The following NUP62 variants were observed in gnomAD, a reference collection of about 807,000 sequenced individuals.
NUP62 encodes nucleoporin 62.
For synonymous variants in NUP62, 305 were observed against 303.4 expected, an observed-to-expected ratio of 1.01 and a Z score of -0.05; for missense variants, 647 against 689.4, an observed-to-expected ratio of 0.94 and a Z score of 0.69.
Position 49,909,030 on chromosome 19 carries a change from C to A in NUP62, c.778G>T (p.Ala260Ser), listed in dbSNP as rs199595285. The change falls in exon 3 of 3, where the codon GCA (alanine) becomes TCA (serine). Residue 260 changes from alanine (A) to serine (S), a missense_variant. By Grantham distance (99) the Ala-to-Ser change is moderately conservative (BLOSUM62 1). Transcript: ENST00000352066. ...TAGTQGFSLKAPGAASGTSTT... is the reference protein window; with the variant it reads ...TAGTQGFSLKSPGAASGTSTT... ...GAGGTGCCGGAAGCTGCTCCAGGTG[C>A]CTTTAAGCTGAAGCCCTGTGTCCCA... The A allele has an allele frequency of 2.4e-4, 390 of 1,613,138 alleles. 5 individuals carry two copies. In the East Asian group the frequency reaches 8.6e-3, roughly 36 times the overall value.
At chr19:49,929,200 G>C (rs1473818940) in intron 1 of NUP62, 126 bp downstream of exon 1, 1 of 152,756 alleles carries the variant, frequency 6.5e-6, no homozygotes, top group African/African-American at 2.4e-5. Context: ...CCCCGGGGCC[G>C]CCTCATTCCC....
At chr19:49,914,789 G>C (rs1347488378) in intron 2 of NUP62, among the ~76,000 whole-genome samples, 1 of 137,504 alleles carries the variant, frequency 7.3e-6, no homozygotes, top group Non-Finnish European at 1.5e-5. Context: ...ACCCAGGCTG[G>C]AGTGTGGTGG....
In NUP62 at chr19:49,908,781, C is replaced by T. The variant is rs746873934; in HGVS notation, c.1027G>A (p.Glu343Lys). The change falls in exon 3 of 3, where the codon GAG becomes AAG. Residue 343 changes from glutamate to lysine, a missense_variant. Transcript: ENST00000352066. ...AAGTGCCGCTCCTGGTCCTCTAGCTCCAGGCTCCATTTGTTGATCAGGCTC... is the reference window on the plus strand; with the variant it reads ...AAGTGCCGCTCCTGGTCCTCTAGCTTCAGGCTCCATTTGTTGATCAGGCTC... ...LESLINKWSL[E>K]LEDQERHFLQ... The T allele has an allele frequency of 1.9e-6, 3 of 1,613,670 alleles. No individual in the cohort carries two copies. The highest frequency in any genetic ancestry group is 2.5e-6 in the Non-Finnish European group (3 of 1,180,040).
chr19:49,909,915 G>T, intron 2 of NUP62, 31 bp from the exon 3 acceptor site: 1 of 1,279,840 alleles, frequency 7.8e-7, no homozygotes, highest in Non-Finnish European at 1.1e-6. Context: ...TTGTCAGATG[G>T]CAGTTTTGGA....
chr19:49,910,699 G>C (rs1184865091), intron 2 of NUP62, among the ~76,000 whole-genome samples: 1 of 140,948 alleles, frequency 7.1e-6, no homozygotes, highest in Non-Finnish European at 1.5e-5. Flanking sequence ...GAGACCATGA[G>C]CCCCACCAGA....
intron 2 of NUP62, among the ~76,000 whole-genome samples, chr19:49,925,666 G>A (rs2075869335): frequency 6.6e-6 from 1 of 152,184 alleles, no homozygotes; most frequent in Non-Finnish European, 1.5e-5. Flanking sequence ...CATCCTGAAG[G>A]CATCCGGAAG....
intron 1 of NUP62, chr19:49,928,705 T>C (rs2075975756): frequency 1.3e-5 from 2 of 152,156 alleles, no homozygotes; most frequent in African/African-American, 4.8e-5. Flanking sequence ...GGTCTGTATT[T>C]GGGAGAGTGC....
At chr19:49,928,440 C>G (rs2075963774) in intron 1 of NUP62, 1 of 151,360 alleles carries the variant, frequency 6.6e-6, no homozygotes, top group Admixed American at 6.6e-5. Flanking sequence ...TGGCGTGAAC[C>G]TGGGAGGCGG....
chr19:49,907,248 C>G lies in NUP62; in HGVS notation c.*991G>C. On this transcript the variant is annotated 3_prime_UTR_variant, in exon 3 of 3. Transcript: ENST00000352066. ...TACAGGCTCAGGGTGCTACGGGGAC[C>G]TGCAAGAAGGCCACCTGAGCTTCGG... 3.4e-6 allele frequency: 1 copy of G among 292,718 alleles called. No homozygotes were observed. The highest frequency in any genetic ancestry group is 2.7e-5 in the South Asian group (1 of 36,608). The allele number at this position is 292,718 out of a possible 1,614,324, so 18.1% of individuals were successfully genotyped here. A position where few individuals can be genotyped will look rare whatever the true frequency, so the allele number is the denominator to read the frequency against.
intron 2 of NUP62, among the ~76,000 whole-genome samples, chr19:49,914,182 T>C (rs2075559048): frequency 6.6e-6 from 1 of 152,194 alleles, no homozygotes; most frequent in Non-Finnish European, 1.5e-5. Flanking sequence ...CCACAAATAC[T>C]AGAACTTGGG....
At chr19:49,910,757 AC>A (rs1386924635) in intron 2 of NUP62, among the ~76,000 whole-genome samples, 1 of 151,872 alleles carries the variant, frequency 6.6e-6, no homozygotes, top group African/African-American at 2.4e-5. Context: ...ACCCCAGAAG[AC>A]CCATGGGCCA....
Position 49,909,732 on chromosome 19 carries a change from T to C in NUP62, c.76A>G (p.Thr26Ala), listed in dbSNP as rs774664471. The C allele has an allele frequency of 6.2e-7, 1 of 1,613,960 alleles. No homozygotes were observed. Among genetic ancestry groups the C allele is most frequent in the African/African-American group, 1.3e-5 (1 of 74,946 alleles). Residue 26 changes from threonine (T) to alanine (A), a missense_variant, in exon 3 of 3, where the codon ACC (threonine) becomes GCC (alanine). Physicochemically the swap from Thr to Ala is moderately conservative, Grantham distance 58. Coordinates refer to ENST00000352066, the MANE Select transcript of NUP62 (RefSeq NM_016553.5). ...FTFGTAKTATTTPATGFSFST... is the reference protein window; with the variant it reads ...FTFGTAKTATATPATGFSFST... Reference sequence around the variant, plus strand: ...AAAGAAAACCCTGTAGCAGGTGTGGTTGTTGCCGTCTTTGCAGTGCCAAAC... The same window carrying C: ...AAAGAAAACCCTGTAGCAGGTGTGGCTGTTGCCGTCTTTGCAGTGCCAAAC...
intron 2 of NUP62, among the ~76,000 whole-genome samples, chr19:49,923,417 G>T (rs1568721304): frequency 6.6e-6 from 1 of 152,232 alleles, no homozygotes; most frequent in South Asian, 2.1e-4. Context: ...GGGTTGTGGG[G>T]AACGTTTCTG....
rs890361510 is a variant in NUP62, at chr19:49,907,304, G to A, written c.*935C>T. Reference sequence around the variant, plus strand: ...TGGGAAGGCTTCCTGGAGGAGGTGAGGCCCAAGGTGGGGGTGAGCCTGGGC... The same window carrying A: ...TGGGAAGGCTTCCTGGAGGAGGTGAAGCCCAAGGTGGGGGTGAGCCTGGGC... On this transcript the variant is annotated 3_prime_UTR_variant, in exon 3 of 3. Coordinates refer to ENST00000352066, the MANE Select transcript of NUP62 (RefSeq NM_016553.5). 3.3e-6 allele frequency: 1 copy of A among 307,452 alleles called. No individual in the cohort carries two copies. The highest frequency in any genetic ancestry group is 6.3e-6 in the Non-Finnish European group (1 of 159,402). The allele number at this position is 307,452 out of a possible 1,614,324, so 19.0% of individuals were successfully genotyped here. A position where few individuals can be genotyped will look rare whatever the true frequency, so the allele number is the denominator to read the frequency against.
chr19:49,926,113 G>A (rs1428922982), intron 2 of NUP62, among the ~76,000 whole-genome samples: 2 of 150,144 alleles, frequency 1.3e-5, no homozygotes, highest in African/African-American at 2.5e-5. Context: ...GGAGCCTGAA[G>A]CAGGAGAATG....
At chr19:49,913,828 T>C (rs1009842769) in intron 2 of NUP62, among the ~76,000 whole-genome samples, 3 of 152,084 alleles carry the variant, frequency 2.0e-5, no homozygotes, top group Admixed American at 6.6e-5. Flanking sequence ...GGCAGACCCA[T>C]ACATACCATG....
At position 49,919,485 on chromosome 19, in the gene NUP62, G is replaced by A. The variant is rs775396153; in HGVS notation, c.-78+8209C>T. 8.5e-5 allele frequency among the ~76,000 whole-genome samples: 13 copies of A among 152,316 alleles called. No homozygotes were observed. The South Asian group carries it at 1.0e-3, about 12-fold the overall frequency. On this transcript the variant is annotated intron_variant, in intron 2 of 2. Coordinates refer to ENST00000352066, the MANE Select transcript of NUP62 (RefSeq NM_016553.5). ...GGAAACCGAGGCCCTCAGAGGGGGC[G>A]ACTTGCCCAGGGTACCAAAATCCTG...
rs1368308401 is a variant in NUP62, at chr19:49,907,615, C to CA, written c.*623dup. The CA allele has an allele frequency of 5.0e-6, 2 of 398,446 alleles. No individual in the cohort carries two copies. The highest frequency in any genetic ancestry group is 9.5e-6 in the Non-Finnish European group (2 of 210,342). The allele number at this position is 398,446 out of a possible 1,614,324, so 24.7% of individuals were successfully genotyped here. On this transcript the variant is annotated 3_prime_UTR_variant, in exon 3 of 3. Transcript: ENST00000352066. Reference sequence around the variant, plus strand: ...GCAGTGGTGTGATCTTGGTTCACTGCAACACCTCCTGGGTTCAAGTGATTC... The same window carrying CA: ...GCAGTGGTGTGATCTTGGTTCACTGCAAACACCTCCTGGGTTCAAGTGATTC...
rs998631479 is a variant in NUP62, at chr19:49,907,974, G to A, written c.*265C>T. ...ACCAGGCTGAGCCAGGATGAGGTGG[G>A]TGGTCGCAGTAGGTGAAAAGGGGCC... On this transcript the variant is annotated 3_prime_UTR_variant, in exon 3 of 3. Coordinates refer to ENST00000352066, the MANE Select transcript of NUP62 (RefSeq NM_016553.5). 1.8e-5 allele frequency: 11 copies of A among 614,026 alleles called. No homozygotes were observed. The highest frequency in any genetic ancestry group is 4.5e-4 in the Middle Eastern group (1 of 2,198). 38.0% of individuals were successfully genotyped at this position (614,026 alleles called of 1,614,324 possible).
Sources: gnomAD v4.1 joint callset for allele counts (sites outside exome capture counted in the v4.1 genomes callset) on GRCh38, gnomAD v4.1.1 for gene constraint, MANE v1.5 for transcripts, NCBI Gene and HGNC (gene_info 2026-07-23, HGNC 2026-07-21) for gene names.